Variants in DSCAM observed in about 807,000 individuals in gnomAD.
DSCAM encodes the protein cell adhesion molecule DSCAM.
Under a neutral mutation model 217.7 loss-of-function variants are expected in DSCAM, and 47 were observed. That is an observed-to-expected ratio of 0.22 (90% confidence interval 0.17 to 0.28). The LOEUF (loss-of-function observed/expected upper bound fraction) is 0.28, where lower values mean the gene tolerates loss of function less well. Ranked by LOEUF, DSCAM falls within the 10% of genes least tolerant of loss-of-function variation. The pLI, the probability that DSCAM is intolerant of heterozygous loss-of-function variation, is 1.00. For synonymous variants in DSCAM, 1,056 were observed against 1,015.3 expected (o/e 1.04, Z -0.76); for missense variants, 2,080 against 2,618.3 (o/e 0.79, Z 4.49).
At chr21:40,795,790 T>C (rs914491227) in intron 1 of DSCAM, among the ~76,000 whole-genome samples, 1 of 152,176 alleles carries the variant, frequency 6.6e-6, no homozygotes, top group African/African-American at 2.4e-5. Flanking sequence ...AATAACTGAT[T>C]GTGTAGTAAT....
intron 1 of DSCAM, among the ~76,000 whole-genome samples, chr21:40,711,873 T>G (rs2090784111): frequency 6.6e-6 from 1 of 151,982 alleles, no homozygotes; most frequent in Non-Finnish European, 1.5e-5. Context: ...GAGAATACAC[T>G]CCCAGGAGGC....
chr21:40,300,467 G>A (rs8128963), intron 9 of DSCAM, among the ~76,000 whole-genome samples: 26,153 of 152,154 alleles, frequency 0.17, 4,049 homozygotes, highest in African/African-American at 0.4. Flanking sequence ...CTGTCCACCC[G>A]GCTTCAGCAC....
chr21:40,523,952 C>T (rs1052946352), intron 3 of DSCAM, among the ~76,000 whole-genome samples: 2 of 152,120 alleles, frequency 1.3e-5, no homozygotes, highest in African/African-American at 4.8e-5. Flanking sequence ...GCCACACCCC[C>T]ATCACACACC....
intron 3 of DSCAM, among the ~76,000 whole-genome samples, chr21:40,679,993 G>A (rs1286452723): frequency 6.6e-6 from 1 of 152,014 alleles, no homozygotes; most frequent in African/African-American, 2.4e-5. Flanking sequence ...AAACACTTTA[G>A]ACAGAAGATA....
At chr21:40,355,903 C>T (rs1031844018) in intron 4 of DSCAM, among the ~76,000 whole-genome samples, 2 of 152,174 alleles carry the variant, frequency 1.3e-5, no homozygotes, top group South Asian at 4.1e-4. Context: ...TCTTTCTGTG[C>T]GTGGCTTACT....
chr21:40,771,859 C>T (rs1193045338), intron 1 of DSCAM, among the ~76,000 whole-genome samples: 1 of 152,136 alleles, frequency 6.6e-6, no homozygotes, highest in Admixed American at 6.5e-5. Flanking sequence ...TAATTTTACA[C>T]GCACATTTTA....
chr21:40,154,973 G>A (rs1261654877), intron 16 of DSCAM, among the ~76,000 whole-genome samples: 2 of 152,176 alleles, frequency 1.3e-5, no homozygotes, highest in African/African-American at 4.8e-5. Flanking sequence ...GAAATAGATT[G>A]ATAATTTTAT....
At chr21:40,033,244 G>A (rs941379655) in intron 32 of DSCAM, among the ~76,000 whole-genome samples, 3 of 152,140 alleles carry the variant, frequency 2.0e-5, no homozygotes, top group African/African-American at 4.8e-5. Context: ...GGGTGATTTC[G>A]GCATTTCCAT....
At chr21:40,503,245 C>T (rs557504049) in intron 3 of DSCAM, among the ~76,000 whole-genome samples, 42 of 152,334 alleles carry the variant, frequency 2.8e-4, no homozygotes, top group African/African-American at 9.9e-4. Flanking sequence ...GACCTTGGAG[C>T]TGAGGCTCCC....
At chr21:40,098,044 A>C (rs1005588723) in intron 20 of DSCAM, among the ~76,000 whole-genome samples, 22 of 151,338 alleles carry the variant, frequency 1.5e-4, no homozygotes, top group Non-Finnish European at 2.8e-4. Flanking sequence ...AAACACAAAT[A>C]GGTTAAAAAT....
chr21:40,064,353 TC>T (rs1220856170), intron 27 of DSCAM, among the ~76,000 whole-genome samples: 1 of 152,046 alleles, frequency 6.6e-6, no homozygotes, highest in Non-Finnish European at 1.5e-5. Flanking sequence ...TGTCTTCTGA[TC>T]AACTGCTTTC....
chr21:40,414,965 A>G (rs575698752), intron 3 of DSCAM, among the ~76,000 whole-genome samples: 37 of 152,328 alleles, frequency 2.4e-4, no homozygotes, highest in African/African-American at 8.9e-4. Flanking sequence ...AATATATCCA[A>G]AGTTACATAT....
At chr21:40,682,229 G>A (rs2090409763) in intron 3 of DSCAM, among the ~76,000 whole-genome samples, 1 of 152,134 alleles carries the variant, frequency 6.6e-6, no homozygotes, top group Non-Finnish European at 1.5e-5. Context: ...AGGAGAGAAG[G>A]CAGGTCCGAA....
intron 8 of DSCAM, among the ~76,000 whole-genome samples, chr21:40,335,406 A>T (rs1601561039): frequency 6.6e-6 from 1 of 152,344 alleles, no homozygotes; most frequent in East Asian, 1.9e-4. Context: ...TATAAGAGAC[A>T]ATAAATTATT....
chr21:40,813,854 C>T (rs1340628674), intron 1 of DSCAM, among the ~76,000 whole-genome samples: 3 of 151,994 alleles, frequency 2.0e-5, no homozygotes, highest in Non-Finnish European at 4.4e-5. Flanking sequence ...ACCACCTTGG[C>T]CAGGCTGGTC....
intron 10 of DSCAM, among the ~76,000 whole-genome samples, chr21:40,288,088 G>A (rs770267217): frequency 2.0e-5 from 3 of 152,124 alleles, no homozygotes; most frequent in Non-Finnish European, 4.4e-5. Context: ...CCCTTGCTGG[G>A]AGAAGAAAGA....
intron 1 of DSCAM, among the ~76,000 whole-genome samples, chr21:40,741,492 A>G (rs2091123116): frequency 6.6e-6 from 1 of 152,198 alleles, no homozygotes; most frequent in East Asian, 1.9e-4. Context: ...TCCCCATACC[A>G]ACAACATCAG....
intron 11 of DSCAM, among the ~76,000 whole-genome samples, chr21:40,214,488 A>G (rs2146888594): frequency 6.6e-6 from 1 of 152,334 alleles, no homozygotes; most frequent in Admixed American, 6.5e-5. Context: ...ACTTGGAAAG[A>G]TAAAATAGTG....
chr21:40,429,947 A>G (rs889328102), intron 3 of DSCAM, among the ~76,000 whole-genome samples: 3 of 152,232 alleles, frequency 2.0e-5, no homozygotes, highest in Non-Finnish European at 4.4e-5. Flanking sequence ...TCTCCTTAAA[A>G]ATGACCAAGA....
Sources: allele counts gnomAD v4.1 joint callset (sites outside exome capture counted in the v4.1 genomes callset), GRCh38; gene constraint gnomAD v4.1.1; transcripts MANE v1.5; gene names NCBI Gene and HGNC (gene_info 2026-07-23, HGNC 2026-07-21).